MYH14: variants seen among roughly 807,000 people sequenced by gnomAD.
The protein encoded by MYH14 is myosin heavy chain 14.
Under a neutral mutation model 255.5 loss-of-function variants are expected in MYH14, and 123 were observed. The observed-to-expected ratio is 0.48, with a 90% CI of 0.42 to 0.56. The LOEUF is 0.56. Ranked by LOEUF, MYH14 falls within the 20% of genes least tolerant of loss-of-function variation. The probability of loss-of-function intolerance (pLI) is 0.00; values close to 1 mark genes in which losing one functional copy is unlikely to be tolerated. For missense variants in MYH14, 2,423 were observed against 2,802.3 expected (o/e 0.86, Z 3.06); for synonymous variants, 1,095 against 1,161.2 (o/e 0.94, Z 1.16).
In MYH14 at chr19:50,270,755, C is replaced by T. The variant is rs893148687; in HGVS notation, c.3034-654C>T. Among the ~76,000 whole-genome samples the T allele has an allele frequency of 4.0e-5, 6 of 151,132 alleles. No homozygotes were observed. In the East Asian group the frequency reaches 7.8e-4, roughly 20 times the overall value. ...TGTTGCCCAGGCTGGAGTGCAGTGGCGCGATTTCAGCTCACTGCAAGCTCT... is the reference window on the plus strand; with the variant it reads ...TGTTGCCCAGGCTGGAGTGCAGTGGTGCGATTTCAGCTCACTGCAAGCTCT... On this transcript the variant is annotated intron_variant, in intron 24 of 42. Transcript: ENST00000642316.
chr19:50,266,535 G>A lies in MYH14; in HGVS notation c.2695-342G>A, dbSNP rs1405990587. 6.6e-6 allele frequency among the ~76,000 whole-genome samples: 1 copy of A among 152,114 alleles called. No homozygotes were observed. The highest frequency in any genetic ancestry group is 1.5e-5 in the Non-Finnish European group (1 of 68,008). ...GATCCCACCACTGCACTCCAGCCTG[G>A]GCGAGAGAGCAAGACTCTGTCGAAA... On this transcript the variant is annotated intron_variant, in intron 22 of 42. Coordinates refer to ENST00000642316, the MANE Select transcript of MYH14 (RefSeq NM_001145809.2). The surrounding 1 kb of genome is among the most constrained non-coding windows in gnomAD (Gnocchi z 4.1).
At chr19:50,274,783 T>G (rs2035444309) in intron 27 of MYH14, among the ~76,000 whole-genome samples, 1 of 152,078 alleles carries the variant, frequency 6.6e-6, no homozygotes, top group South Asian at 2.1e-4. Flanking sequence ...TTTTAAAAAT[T>G]AGCCAAGCAT....
chr19:50,267,747 GGTA>G (rs2035143095), intron 23 of MYH14, among the ~76,000 whole-genome samples: 1 of 152,158 alleles, frequency 6.6e-6, no homozygotes, highest in Non-Finnish European at 1.5e-5. Flanking sequence ...TGAAATGTGA[GGTA>G]GTAGAAAGAC....
intron 34 of MYH14, among the ~76,000 whole-genome samples, chr19:50,287,895 T>TAC (rs141417074): frequency 0.011 from 1,637 of 149,296 alleles, 22 homozygotes; most frequent in African/African-American, 0.036. Context: ...ATAACACACA[T>TAC]ACACACACAC....
At chr19:50,282,387 CTTTAT>C (rs929281705) in intron 33 of MYH14, among the ~76,000 whole-genome samples, 3 of 152,196 alleles carry the variant, frequency 2.0e-5, no homozygotes, top group Admixed American at 6.5e-5. Context: ...CCTCTCTGTG[CTTTAT>C]TTTATTCATT....
chr19:50,271,501 A>G lies in MYH14; in HGVS notation c.3126A>G (p.Glu1042=). The G allele has an allele frequency of 6.2e-7, 1 of 1,607,274 alleles. No individual in the cohort carries two copies. Among genetic ancestry groups the G allele is most frequent in the Non-Finnish European group, 8.5e-7 (1 of 1,176,928 alleles). Residue 1042 remains glutamate, a synonymous_variant, in exon 25 of 43, where the codon GAA becomes GAG. Transcript: ENST00000642316. ...CAGAGGCAAAAATGAAGAAATTTGA[A>G]GAGGACCTGCTGCTCCTGGAAGACC... The part of the protein sequence containing the change: ...VTTEAKMKKF[E]EDLLLLEDQN...
intron 24 of MYH14, among the ~76,000 whole-genome samples, chr19:50,269,986 G>A (rs2035233563): frequency 1.3e-5 from 2 of 152,314 alleles, no homozygotes; most frequent in South Asian, 4.1e-4. Flanking sequence ...GGCACTTTGG[G>A]AGGATCTCTT....
chr19:50,272,294 G>A (rs1194938335), intron 26 of MYH14, among the ~76,000 whole-genome samples: 1 of 152,080 alleles, frequency 6.6e-6, no homozygotes, highest in Non-Finnish European at 1.5e-5. Context: ...GGCACAGGGA[G>A]GAGGCAGGGC....
intron 39 of MYH14, among the ~76,000 whole-genome samples, chr19:50,294,279 A>G (rs1375485687): frequency 6.6e-6 from 1 of 151,304 alleles, no homozygotes; most frequent in East Asian, 1.9e-4. Context: ...CTACCAACCT[A>G]GCCTGGAGGA....
chr19:50,303,589 A>G (rs2036563776), intron 40 of MYH14, among the ~76,000 whole-genome samples: 1 of 152,164 alleles, frequency 6.6e-6, no homozygotes, highest in Non-Finnish European at 1.5e-5. Context: ...TGCCAAGGGT[A>G]TGGATACAGA....
intron 9 of MYH14, chr19:50,231,031 G>C: frequency 4.0e-6 from 1 of 250,166 alleles, no homozygotes; most frequent in South Asian, 4.9e-5. Flanking sequence ...GTGCTGCCTC[G>C]TGCTCCCCTC....
Position 50,276,286 on chromosome 19 carries a change from T to G in MYH14, c.3680+83T>G. The G allele has an allele frequency of 5.8e-6, 6 of 1,042,224 alleles. No homozygotes were observed. Among genetic ancestry groups the G allele is most frequent in the South Asian group, 1.7e-5 (1 of 59,842 alleles). The allele number at this position is 1,042,224 out of a possible 1,614,324, so 64.6% of individuals were successfully genotyped here. Reference sequence around the variant, plus strand: ...GACTTAGGTACAAAGTCTCTGTCTATACAGAGGCTTACTTATTGTACAGTT... The same window carrying G: ...GACTTAGGTACAAAGTCTCTGTCTAGACAGAGGCTTACTTATTGTACAGTT... On this transcript the variant is annotated intron_variant, in intron 28 of 42. Coordinates refer to ENST00000642316, the MANE Select transcript of MYH14 (RefSeq NM_001145809.2). This position sits in a 1 kb window ranked among gnomAD's most constrained non-coding sequence, Gnocchi z 4.3.
intron 33 of MYH14, among the ~76,000 whole-genome samples, chr19:50,282,464 G>C (rs1294605024): frequency 6.6e-6 from 1 of 152,218 alleles, no homozygotes; most frequent in African/African-American, 2.4e-5. Flanking sequence ...CACTTTGGGA[G>C]GCCAAGGCGG....
At chr19:50,253,944 G>A (rs1411772607) in intron 16 of MYH14, among the ~76,000 whole-genome samples, 6 of 152,278 alleles carry the variant, frequency 3.9e-5, no homozygotes, top group Admixed American at 2.0e-4. Flanking sequence ...GCGGCCAGGC[G>A]CGGTGGCTCA....
Position 50,286,161 on chromosome 19 carries a change from T to TA in MYH14, c.4540-312dup, listed in dbSNP as rs148618029. On this transcript the variant is annotated intron_variant, in intron 33 of 42. Coordinates refer to ENST00000642316, the MANE Select transcript of MYH14 (RefSeq NM_001145809.2). ...AGTTTATTTGCCAATTACTGTGTCTTAAAAAAAAACAGTAAAGGTTGAAGT... is the reference window on the plus strand; with the variant it reads ...AGTTTATTTGCCAATTACTGTGTCTTAAAAAAAAAACAGTAAAGGTTGAAGT... The TA allele has an allele frequency of 1.9e-3, 386 of 204,258 alleles. 1 individual carries two copies. Among genetic ancestry groups the TA allele is most frequent in the Middle Eastern group, 0.011 (6 of 548 alleles). The allele number at this position is 204,258 out of a possible 1,614,324, so 12.7% of individuals were successfully genotyped here. A position where few individuals can be genotyped will look rare whatever the true frequency, so the allele number is the denominator to read the frequency against.
chr19:50,241,105 G>A (rs7351062), intron 10 of MYH14, among the ~76,000 whole-genome samples: 2,423 of 152,272 alleles, frequency 0.016, 36 homozygotes, highest in Middle Eastern at 0.041. Context: ...TTGACCAGGC[G>A]GCTGAGGGGT....
chr19:50,302,318 ACACCTG>A (rs2036515893), intron 40 of MYH14, among the ~76,000 whole-genome samples: 2 of 149,232 alleles, frequency 1.3e-5, no homozygotes, highest in Non-Finnish European at 2.9e-5. Flanking sequence ...ACAGTGGCTC[ACACCTG>A]TAATCCCAGC....
intron 35 of MYH14, among the ~76,000 whole-genome samples, chr19:50,290,436 G>A (rs530246775): frequency 1.8e-4 from 28 of 152,348 alleles, no homozygotes; most frequent in African/African-American, 3.8e-4. Flanking sequence ...GAAAGACCCC[G>A]CTGGAGCCAT....
At chr19:50,217,840 G>A (rs995272966) in intron 3 of MYH14, 69 bp downstream of exon 3, 13 of 1,563,070 alleles carry the variant, frequency 8.3e-6, no homozygotes, top group Non-Finnish European at 1.1e-5. Context: ...GGGGCTGCCG[G>A]AAGCCAGAGT....
Sources: allele counts gnomAD v4.1 joint callset (sites outside exome capture counted in the v4.1 genomes callset), GRCh38; gene constraint gnomAD v4.1.1; non-coding constraint Gnocchi (gnomAD v3.1); transcripts MANE v1.5; gene names NCBI Gene and HGNC (gene_info 2026-07-23, HGNC 2026-07-21).